The following DOCK6 variants were observed in gnomAD, a reference collection of about 807,000 sequenced individuals.
The protein encoded by DOCK6 is dedicator of cytokinesis protein 6.
A neutral mutation model predicts 230.3 loss-of-function variants in DOCK6; 167 were observed. The observed-to-expected ratio is 0.73, with a 90% CI of 0.64 to 0.82. The LOEUF (loss-of-function observed/expected upper bound fraction) is 0.82, where lower values mean the gene tolerates loss of function less well. DOCK6 is among the 40% of genes least tolerant of loss of function. The pLI, the probability that DOCK6 is intolerant of heterozygous loss-of-function variation, is 0.00. For missense variants in DOCK6, 2,598 were observed against 2,825.8 expected (o/e 0.92, Z 1.83); for synonymous variants, 1,148 against 1,185.0 (o/e 0.97, Z 0.64).
chr19:11,244,274 G>A (rs1311260990), intron 9 of DOCK6, among the ~76,000 whole-genome samples: 6 of 151,880 alleles, frequency 4.0e-5, no homozygotes, highest in Admixed American at 2.6e-4. Flanking sequence ...CTCCCAAAGT[G>A]CTGGGATAAC....
At chr19:11,226,023 A>G (rs1426495910) in intron 24 of DOCK6, among the ~76,000 whole-genome samples, 1 of 152,154 alleles carries the variant, frequency 6.6e-6, no homozygotes, top group Non-Finnish European at 1.5e-5. Flanking sequence ...AGCCTGGGCA[A>G]CACAGCAAGA....
chr19:11,213,171 C>G lies in DOCK6; in HGVS notation c.4491+5G>C. On this transcript the variant is annotated splice_donor_5th_base_variant and intron_variant, in intron 35 of 47. Transcript: ENST00000294618. ...TGTGGACCATGCCTCCTAGCCCCCA[C>G]TCACGTGGCCGATCTCGAAGTTCTG... The G allele has an allele frequency of 6.2e-7, 1 of 1,610,650 alleles. No homozygotes were observed. Among genetic ancestry groups the G allele is most frequent in the Non-Finnish European group, 8.5e-7 (1 of 1,178,042 alleles).
intron 37 of DOCK6, among the ~76,000 whole-genome samples, chr19:11,209,727 T>C (rs1600858366): frequency 2.2e-5 from 1 of 45,202 alleles, no homozygotes; most frequent in Admixed American, 2.5e-4. Context: ...CACCTGTCTA[T>C]CCCCTCACCT....
chr19:11,240,013 G>T lies in DOCK6; in HGVS notation c.1644-1709C>A, dbSNP rs973431605. ...CGTGTCTAGGGTAACCAACCATCCT[G>T]GTTTGCCCAGGACTGAAGGGATTCC... On this transcript the variant is annotated intron_variant, in intron 14 of 47. Transcript: ENST00000294618. 34 of 1,548,494 alleles carry T rather than the reference G, an allele frequency of 2.2e-5. No homozygotes were observed. The African/African-American group carries it at 3.2e-4, about 14-fold the overall frequency.
intron 28 of DOCK6, among the ~76,000 whole-genome samples, chr19:11,220,330 C>A (rs2079560745): frequency 6.6e-6 from 1 of 152,076 alleles, no homozygotes; most frequent in South Asian, 2.1e-4. Context: ...CATTCTCTCC[C>A]CTAAAAAGTC....
rs758580727 is a variant in DOCK6, at chr19:11,238,241, G to C, written c.1707C>G (p.Asn569Lys). The C allele has an allele frequency of 5.0e-6, 8 of 1,613,362 alleles. No homozygotes were observed. The highest frequency in any genetic ancestry group is 6.8e-6 in the Non-Finnish European group (8 of 1,179,542). The change falls in exon 15 of 48, where the codon AAC (asparagine) becomes AAG (lysine). Residue 569 changes from asparagine to lysine, a missense_variant. Transcript: ENST00000294618. ...TCATGTACTGCACTCGCACAGCAAGGTTGCGCACGGAGCCCTGGCGGCTGC... is the reference window on the plus strand; with the variant it reads ...TCATGTACTGCACTCGCACAGCAAGCTTGCGCACGGAGCCCTGGCGGCTGC... ...NFSSRQGSVR[N>K]LAVRVQYMTG... is the part of the protein sequence containing the mutation.
chr19:11,201,166 C>G lies in DOCK6; in HGVS notation c.5689-114G>C. The G allele has an allele frequency of 7.4e-7, 1 of 1,346,974 alleles. No individual in the cohort carries two copies. The highest frequency in any genetic ancestry group is 1.0e-6 in the Non-Finnish European group (1 of 981,838). 83.4% of individuals were successfully genotyped at this position (1,346,974 alleles called of 1,614,324 possible). The stretch of plus-strand genomic sequence containing the variant: ...AGTGAGAGGGGTCCAAGAACCCAGG[C>G]AATGAACAGAATCTGGGGGCCTTCC... On this transcript the variant is annotated intron_variant, in intron 44 of 47. Transcript: ENST00000294618. This position sits in a 1 kb window ranked among gnomAD's most constrained non-coding sequence, Gnocchi z 4.3.
At chr19:11,208,488 CCAGGCTGGT>C (rs2079301505) in intron 39 of DOCK6, 189 bp downstream of exon 39, 1 of 631,356 alleles carries the variant, frequency 1.6e-6, no homozygotes, top group African/African-American at 1.8e-5. Context: ...ACCATGCTGG[CCAGGCTGGT>C]CTCGAACTCC....
At position 11,250,912 on chromosome 19, in the gene DOCK6, G is replaced by A; in HGVS notation, c.682C>T (p.Pro228Ser). Residue 228 changes from proline to serine, a missense_variant, in exon 6 of 48, where the codon CCC (proline) becomes TCC (serine). Physicochemically the swap from Pro to Ser is moderately conservative, Grantham distance 74. Coordinates refer to ENST00000294618, the MANE Select transcript of DOCK6 (RefSeq NM_020812.4). Reference sequence around the variant, plus strand: ...GGGTAGAGGGTGAGCAGGGCCGGGGGCCGGTGCTGCCGTCGAAGGGTTTCA... The same window carrying A: ...GGGTAGAGGGTGAGCAGGGCCGGGGACCGGTGCTGCCGTCGAAGGGTTTCA... ...RNETLRRQHRPPALLTLYPAP... is the reference protein window; with the variant it reads ...RNETLRRQHRSPALLTLYPAP... The A allele has an allele frequency of 6.2e-7, 1 of 1,606,114 alleles. No homozygotes were observed. The highest frequency in any genetic ancestry group is 8.5e-7 in the Non-Finnish European group (1 of 1,173,732).
At position 11,217,340 on chromosome 19, in the gene DOCK6, T is replaced by C; in HGVS notation, c.3602A>G (p.Glu1201Gly). 3.1e-6 allele frequency: 5 copies of C among 1,613,552 alleles called. No individual in the cohort carries two copies. The highest frequency in any genetic ancestry group is 3.4e-6 in the Non-Finnish European group (4 of 1,179,798). ...RLASMLDSDTEGEGDIAGTIN... is the reference protein window; with the variant it reads ...RLASMLDSDTGGEGDIAGTIN... ...GGTACCCGCAATGTCCCCTTCGCCTTCTGTGTCTGAGTCAAGCATTGAGGC... is the reference window on the plus strand; with the variant it reads ...GGTACCCGCAATGTCCCCTTCGCCTCCTGTGTCTGAGTCAAGCATTGAGGC... Residue 1201 changes from glutamate to glycine, a missense_variant, in exon 29 of 48, where the codon GAA (glutamate) becomes GGA (glycine). Physicochemically the swap from Glu to Gly is moderately conservative, Grantham distance 98. Transcript: ENST00000294618.
At chr19:11,239,702 C>A in intron 14 of DOCK6, 2 of 1,613,590 alleles carry the variant, frequency 1.2e-6, no homozygotes, top group East Asian at 2.2e-5. Context: ...GCCTCAGCGG[C>A]CCCCATGGGC....
intron 32 of DOCK6, among the ~76,000 whole-genome samples, chr19:11,215,088 A>G (rs2116875): frequency 0.51 from 76,781 of 151,150 alleles, 20,985 homozygotes; most frequent in Non-Finnish European, 0.62. Flanking sequence ...GACTACAGGC[A>G]CCTGCCACCA....
rs190524344 is a variant in DOCK6 at position 11,252,542 on chromosome 19, T to A, written c.317A>T (p.Asp106Val). The change falls in exon 4 of 48, where the codon GAT (aspartate) becomes GTT (valine). Residue 106 changes from aspartate (D) to valine (V), a missense_variant. Transcript: ENST00000294618. ...CTCCACCGCGGCCCTCACCTGGGCA[T>A]CCAGTTTTCTGCAGCAAAAGAAGAT... Reference protein sequence around the residue: ...EPGIPKDEKLDAQVRAAVEMY... With the variant: ...EPGIPKDEKLVAQVRAAVEMY... 1.0e-4 allele frequency: 161 copies of A among 1,613,878 alleles called. 1 individual carries two copies. The highest frequency in any genetic ancestry group is 8.5e-6 in the Non-Finnish European group (10 of 1,179,878).
intron 20 of DOCK6, 80 bp from the exon 21 acceptor site, chr19:11,235,839 A>C: frequency 2.7e-6 from 4 of 1,476,696 alleles, no homozygotes; most frequent in Non-Finnish European, 3.6e-6. Flanking sequence ...TAAAGACATC[A>C]GGATTTGAGG....
chr19:11,253,833 C>A (rs2080159997), intron 1 of DOCK6, 107 bp from the exon 2 acceptor site: 2 of 798,046 alleles, frequency 2.5e-6, no homozygotes, highest in Admixed American at 3.5e-5. Context: ...ATAAATAGGC[C>A]GAGGGCCAAG....
chr19:11,225,257 GT>G (rs765112379), intron 24 of DOCK6, among the ~76,000 whole-genome samples: 1 of 152,100 alleles, frequency 6.6e-6, no homozygotes, highest in Non-Finnish European at 1.5e-5. Context: ...CACAGGCATT[GT>G]TCTTCTCTGG....
chr19:11,258,482 G>A (rs764277309), intron 1 of DOCK6, among the ~76,000 whole-genome samples: 50 of 151,368 alleles, frequency 3.3e-4, no homozygotes, highest in Non-Finnish European at 6.2e-4. Context: ...GTCCAGGCTG[G>A]AGTGCAGTGG....
In DOCK6 at chr19:11,227,459, G is replaced by A. The variant is rs1279253502; in HGVS notation, c.2833C>T (p.His945Tyr). 1.3e-6 allele frequency: 2 copies of A among 1,594,120 alleles called. No individual in the cohort carries two copies. The highest frequency in any genetic ancestry group is 1.3e-5 in the African/African-American group (1 of 74,538). The change falls in exon 24 of 48, where the codon CAC becomes TAC. Residue 945 changes from histidine to tyrosine, a missense_variant. Transcript: ENST00000294618. Reference protein sequence around the residue: ...FQLMVKSMALHLLLGQRLDTP... With the variant: ...FQLMVKSMALYLLLGQRLDTP... The stretch of plus-strand genomic sequence containing the variant: ...TCTAGTCGCTGGCCAAGCAGCAGGT[G>A]CAGCGCCATACTCTTCACCTGGGGG...
Position 11,238,259 on chromosome 19 carries a change from G to A in DOCK6, c.1689C>T (p.Arg563=), listed in dbSNP as rs2079883761. 2.5e-6 allele frequency: 4 copies of A among 1,613,026 alleles called. No individual in the cohort carries two copies. Among genetic ancestry groups the A allele is most frequent in the Non-Finnish European group, 3.4e-6 (4 of 1,179,462 alleles). Residue 563 remains arginine (R), a synonymous_variant, in exon 15 of 48, where the codon CGC becomes CGT. Transcript: ENST00000294618. ...VYPHSLNFSS[R]QGSVRNLAVR... ...CAGCAAGGTTGCGCACGGAGCCCTG[G>A]CGGCTGCTGAAGTTGAGGCTGTGCG...
Sources: allele counts gnomAD v4.1 joint callset (sites outside exome capture counted in the v4.1 genomes callset), GRCh38; gene constraint gnomAD v4.1.1; non-coding constraint Gnocchi (gnomAD v3.1); transcripts MANE v1.5; gene names NCBI Gene and HGNC (gene_info 2026-07-23, HGNC 2026-07-21).